Variants in BRSK2 observed in about 807,000 individuals in gnomAD.
BRSK2 encodes the protein serine/threonine-protein kinase BRSK2.
BRSK2 carries 19 observed loss-of-function variants against 83.3 expected under a neutral mutation model. That is an observed-to-expected ratio of 0.23 (90% CI 0.16 to 0.33). BRSK2 has a LOEUF of 0.33. Ranked by LOEUF, BRSK2 falls within the 10% of genes least tolerant of loss-of-function variation. The pLI is 1.00. For missense variants in BRSK2, 798 were observed against 1,042.3 expected (o/e 0.77, Z 3.23); for synonymous variants, 519 against 435.4 (o/e 1.19, Z -2.39).
In BRSK2 at chr11:1,390,952, G is replaced by A. The variant is rs1333817766; in HGVS notation, c.91+577G>A. ...CGGCTCGGGCTCGGGCGGGCGGAGC[G>A]TCTGTGACCTGCATTCCCACGGGGC... is the stretch of plus-strand genomic sequence containing the variant. On this transcript the variant is annotated intron_variant, in intron 1 of 19. Coordinates refer to ENST00000528841, the MANE Select transcript of BRSK2 (RefSeq NM_001256627.2). This position sits in a 1 kb window ranked among gnomAD's most constrained non-coding sequence, Gnocchi z 6.8. Among the ~76,000 whole-genome samples, 2 of 152,162 alleles carry A rather than the reference G, an allele frequency of 1.3e-5. No homozygotes were observed. Among genetic ancestry groups the A allele is most frequent in the Non-Finnish European group, 2.9e-5 (2 of 68,020 alleles).
intron 1 of BRSK2, among the ~76,000 whole-genome samples, chr11:1,400,789 T>C (rs902401242): frequency 6.6e-6 from 1 of 152,334 alleles, no homozygotes; most frequent in Non-Finnish European, 1.5e-5. Flanking sequence ...CCGGACACTG[T>C]GGCACTGGGA....
At chr11:1,456,556 G>A (rs566808807) in intron 17 of BRSK2, 28 bp downstream of exon 17, 49 of 1,601,318 alleles carry the variant, frequency 3.1e-5, no homozygotes, top group Middle Eastern at 1.7e-4. Flanking sequence ...GGGCGGCTCC[G>A]GGCCCAGGCC....
At chr11:1,451,740 T>C (rs1845844591) in intron 15 of BRSK2, among the ~76,000 whole-genome samples, 1 of 151,888 alleles carries the variant, frequency 6.6e-6, no homozygotes, top group Non-Finnish European at 1.5e-5. Flanking sequence ...AGAGACCGGG[T>C]CGCTCAGGTC....
intron 1 of BRSK2, among the ~76,000 whole-genome samples, chr11:1,434,255 G>A (rs1381019047): frequency 1.3e-5 from 2 of 152,356 alleles, no homozygotes. Context: ...ACGGAAGGAT[G>A]GCGGCCACTA....
At chr11:1,457,969 G>A (rs1378994987) in intron 18 of BRSK2, among the ~76,000 whole-genome samples, 4 of 152,174 alleles carry the variant, frequency 2.6e-5, no homozygotes, top group African/African-American at 9.7e-5. Context: ...GCTCGGCCCC[G>A]CAGGTACACG....
chr11:1,433,799 C>T (rs1051962808), intron 1 of BRSK2, among the ~76,000 whole-genome samples: 4 of 152,252 alleles, frequency 2.6e-5, no homozygotes, highest in African/African-American at 4.8e-5. Flanking sequence ...CCTCCATGAG[C>T]ACACCCTGCC....
At chr11:1,452,209 CA>C (rs1196194682) in intron 15 of BRSK2, among the ~76,000 whole-genome samples, 2 of 152,164 alleles carry the variant, frequency 1.3e-5, no homozygotes, top group African/African-American at 4.8e-5. Context: ...GGCTTTAAAC[CA>C]GGGGCCCCTG....
intron 1 of BRSK2, among the ~76,000 whole-genome samples, chr11:1,424,574 C>G (rs906643998): frequency 6.6e-6 from 1 of 152,212 alleles, no homozygotes; most frequent in African/African-American, 2.4e-5. Flanking sequence ...TTCGCCAGGA[C>G]CTGGGCTGCT....
At chr11:1,426,358 C>G (rs1221262409) in intron 1 of BRSK2, among the ~76,000 whole-genome samples, 3 of 152,112 alleles carry the variant, frequency 2.0e-5, no homozygotes, top group Non-Finnish European at 4.4e-5. Flanking sequence ...GGGCTTGGAT[C>G]TGTGGGGTGT....
rs1845680141 is a variant in BRSK2 at position 1,390,836 on chromosome 11, C to T, written c.91+461C>T. ...ACTCCCACCTCCGCGCGCCGGCCAC[C>T]GGGGCCTCCGGGCAGGCCCGATCTC... On this transcript the variant is annotated intron_variant, in intron 1 of 19. Coordinates refer to ENST00000528841, the MANE Select transcript of BRSK2 (RefSeq NM_001256627.2). The surrounding 1 kb of genome is among the most constrained non-coding windows in gnomAD (Gnocchi z 6.8). Among the ~76,000 whole-genome samples, 1 of 152,128 alleles carries T rather than the reference C, an allele frequency of 6.6e-6. No homozygotes were observed. Among genetic ancestry groups the T allele is most frequent in the African/African-American group, 2.4e-5 (1 of 41,458 alleles).
At chr11:1,415,745 C>T (rs1590384233) in intron 1 of BRSK2, among the ~76,000 whole-genome samples, 1 of 152,230 alleles carries the variant, frequency 6.6e-6, no homozygotes, top group South Asian at 2.1e-4. Context: ...CTTGGAGGAA[C>T]CCATTACCTG....
chr11:1,398,058 G>A (rs1022771640), intron 1 of BRSK2, among the ~76,000 whole-genome samples: 9 of 152,204 alleles, frequency 5.9e-5, no homozygotes, highest in Non-Finnish European at 4.4e-5. Flanking sequence ...GCTGCAAGTC[G>A]GGCTGAGTCC....
rs1283641207 is a variant in BRSK2 at position 1,460,903 on chromosome 11, C to T, written c.*180C>T. 5.6e-6 allele frequency: 9 copies of T among 1,609,370 alleles called. No individual in the cohort carries two copies. The African/African-American group carries it at 6.7e-5, about 12-fold the overall frequency. ...GTGGGCTGCGCCACCCGCGCCCGCT[C>T]TCTTTTCTCTCTGTCTCTGCCTCTG... On this transcript the variant is annotated 3_prime_UTR_variant, in exon 20 of 20. Transcript: ENST00000528841.
At chr11:1,401,304 T>C (rs1160053359) in intron 1 of BRSK2, among the ~76,000 whole-genome samples, 2 of 152,240 alleles carry the variant, frequency 1.3e-5, no homozygotes, top group Non-Finnish European at 2.9e-5. Flanking sequence ...TTTTGGGATT[T>C]CCTGCCAGTG....
Position 1,460,793 on chromosome 11 carries a change from C to G in BRSK2, c.*70C>G. ...TCGCCGCCCGCCGCCCGCCCTGCCC[C>G]GAGTGGACCCGCGGCCGCGCCGCCC... On this transcript the variant is annotated 3_prime_UTR_variant, in exon 20 of 20. Transcript: ENST00000528841. 1.4e-6 allele frequency: 2 copies of G among 1,468,346 alleles called. No homozygotes were observed. The highest frequency in any genetic ancestry group is 1.8e-6 in the Non-Finnish European group (2 of 1,119,504). The allele number at this position is 1,468,346 out of a possible 1,614,324, so 91.0% of individuals were successfully genotyped here.
At chr11:1,408,536 G>A (rs1847075885) in intron 1 of BRSK2, among the ~76,000 whole-genome samples, 1 of 152,182 alleles carries the variant, frequency 6.6e-6, no homozygotes, top group South Asian at 2.1e-4. Context: ...TGAGTGCTAT[G>A]GCCACTCCTT....
rs116906560 is a variant in BRSK2 at position 1,445,732 on chromosome 11, T to C, written c.1076-25T>C. On this transcript the variant is annotated intron_variant, in intron 11 of 19. Transcript: ENST00000528841. Reference sequence around the variant, plus strand: ...GCCCCACCGGGGTCCGGGGGCTGTCTGGCCTGACCTTCGTCTGTACTCAGA... The same window carrying C: ...GCCCCACCGGGGTCCGGGGGCTGTCCGGCCTGACCTTCGTCTGTACTCAGA... 4.1e-4 allele frequency: 653 copies of C among 1,610,826 alleles called. 4 individuals carry two copies. The East Asian group carries it at 0.011, about 27-fold the overall frequency.
chr11:1,416,889 G>A (rs555171407), intron 1 of BRSK2, among the ~76,000 whole-genome samples: 4 of 152,114 alleles, frequency 2.6e-5, no homozygotes, highest in African/African-American at 7.2e-5. Context: ...AGCCAGGCGC[G>A]GTGGCTCATG....
chr11:1,438,534 G>A lies in BRSK2; in HGVS notation c.272+143G>A, dbSNP rs986714979. On this transcript the variant is annotated intron_variant, in intron 3 of 19. Transcript: ENST00000528841. This position sits in a 1 kb window ranked among gnomAD's most constrained non-coding sequence, Gnocchi z 6.4. ...CCAGCAGCCCTGGCCCTGCTAGCAT[G>A]AACACCTGCCTGGGTAGGGTCTCAG... 3 of 709,390 alleles carry A rather than the reference G, an allele frequency of 4.2e-6. No homozygotes were observed. Among genetic ancestry groups the A allele is most frequent in the Non-Finnish European group, 7.2e-6 (3 of 416,020 alleles). 43.9% of individuals were successfully genotyped at this position (709,390 alleles called of 1,614,324 possible).
Sources: allele counts gnomAD v4.1 joint callset (sites outside exome capture counted in the v4.1 genomes callset), GRCh38; gene constraint gnomAD v4.1.1; non-coding constraint Gnocchi (gnomAD v3.1); transcripts MANE v1.5; gene names NCBI Gene and HGNC (gene_info 2026-07-23, HGNC 2026-07-21).